Variants in SLC9C1 observed in about 807,000 individuals in gnomAD.
SLC9C1 encodes the protein sodium/hydrogen exchanger 10.
In SLC9C1, 97 loss-of-function variants were observed where a neutral mutation model predicts 140.9. The observed-to-expected ratio is 0.69, with a 90% CI of 0.58 to 0.82. The LOEUF (loss-of-function observed/expected upper bound fraction) is 0.82, where lower values mean the gene tolerates loss of function less well. Among genes scored for constraint, SLC9C1 ranks in the 40% least tolerant of loss-of-function variants. SLC9C1 has a pLI of 0.00. For synonymous variants in SLC9C1, 440 were observed against 442.6 expected, an observed-to-expected ratio of 0.99 and a Z score of 0.07; for missense variants, 1,340 against 1,389.3, an observed-to-expected ratio of 0.96 and a Z score of 0.56.
chr3:112,230,653 T>C (rs1576397403), intron 13 of SLC9C1, among the ~76,000 whole-genome samples: 1 of 152,104 alleles, frequency 6.6e-6, no homozygotes, highest in African/African-American at 2.4e-5. Context: ...ACTGAGCAGG[T>C]AGAGTGATTG....
chr3:112,204,152 T>C, intron 17 of SLC9C1, 66 bp downstream of exon 17: 3 of 1,346,926 alleles, frequency 2.2e-6, no homozygotes, highest in Non-Finnish European at 1.9e-6. Context: ...AGTAAACTAA[T>C]TTTACTCTAT....
At chr3:112,164,094 C>T (rs1254110294) in intron 26 of SLC9C1, among the ~76,000 whole-genome samples, 2 of 151,954 alleles carry the variant, frequency 1.3e-5, no homozygotes, top group East Asian at 3.9e-4. Context: ...AGGATTGCAA[C>T]CCCTGCCTTT....
chr3:112,165,838 CT>C (rs548156662), intron 26 of SLC9C1, among the ~76,000 whole-genome samples: 279 of 152,336 alleles, frequency 1.8e-3, no homozygotes, highest in African/African-American at 6.2e-3. Flanking sequence ...ATTCTGCTGC[CT>C]TTTGTTTGGC....
intron 23 of SLC9C1, among the ~76,000 whole-genome samples, chr3:112,178,693 A>C (rs4682090): frequency 0.46 from 70,606 of 151,878 alleles, 16,769 homozygotes; most frequent in East Asian, 0.63. Flanking sequence ...ATTTAGTGAC[A>C]CTAATATTGA....
intron 12 of SLC9C1, among the ~76,000 whole-genome samples, chr3:112,236,008 CT>C (rs1168689577): frequency 7.2e-5 from 11 of 152,122 alleles, no homozygotes; most frequent in Non-Finnish European, 1.0e-4. Flanking sequence ...AGGATTCTCT[CT>C]TTTTCTATTG....
At chr3:112,167,133 A>G (rs1300657595) in intron 26 of SLC9C1, 88 bp downstream of exon 26, 1 of 1,449,632 alleles carries the variant, frequency 6.9e-7, no homozygotes, top group Non-Finnish European at 9.4e-7. Context: ...TATTAGGCAG[A>G]ATGCAAACAA....
intron 28 of SLC9C1, among the ~76,000 whole-genome samples, chr3:112,146,373 C>G (rs1355476936): frequency 6.6e-6 from 1 of 151,852 alleles, no homozygotes; most frequent in Non-Finnish European, 1.5e-5. Flanking sequence ...CTCATTTGTT[C>G]TTGTTTTTCT....
Position 112,250,760 on chromosome 3 carries a change from T to C in SLC9C1, c.1198-6684A>G, listed in dbSNP as rs189385106. Among the ~76,000 whole-genome samples the C allele has an allele frequency of 1.5e-3, 225 of 152,216 alleles. 1 individual carries two copies. The highest frequency in any genetic ancestry group is 6.8e-3 in the Middle Eastern group (2 of 294). On this transcript the variant is annotated intron_variant, in intron 10 of 28. Transcript: ENST00000305815. ...AAGAAATAACCGGTGCTGGCAAGTTTGCAGAGAAAAAGGGACAGTTATATA... is the reference window on the plus strand; with the variant it reads ...AAGAAATAACCGGTGCTGGCAAGTTCGCAGAGAAAAAGGGACAGTTATATA...
At chr3:112,220,686 A>C (rs1001238885) in intron 14 of SLC9C1, among the ~76,000 whole-genome samples, 1 of 152,224 alleles carries the variant, frequency 6.6e-6, no homozygotes, top group African/African-American at 2.4e-5. Flanking sequence ...TAAAGAAATC[A>C]CTACAAGATT....
chr3:112,176,211 T>G (rs2077333271), intron 23 of SLC9C1, among the ~76,000 whole-genome samples: 1 of 152,198 alleles, frequency 6.6e-6, no homozygotes, highest in East Asian at 1.9e-4. Context: ...TTCCTGGGAC[T>G]CCTCATTCAC....
intron 14 of SLC9C1, among the ~76,000 whole-genome samples, chr3:112,219,798 C>A (rs546079113): frequency 6.6e-6 from 1 of 152,192 alleles, no homozygotes; most frequent in East Asian, 1.9e-4. Context: ...TCAGGCTGGT[C>A]TCGAACTCCT....
intron 13 of SLC9C1, among the ~76,000 whole-genome samples, chr3:112,229,800 T>G (rs902213256): frequency 2.0e-5 from 3 of 152,106 alleles, no homozygotes; most frequent in African/African-American, 7.2e-5. Context: ...AGAAAAGTTG[T>G]GTGAGCAATG....
intron 10 of SLC9C1, among the ~76,000 whole-genome samples, chr3:112,256,726 G>T (rs2079616911): frequency 1.3e-5 from 2 of 152,072 alleles, no homozygotes. Context: ...GGTCAATCAG[G>T]CAAGAGAAAG....
chr3:112,208,206 G>A lies in SLC9C1; in HGVS notation c.1958C>T (p.Thr653Ile). The A allele has an allele frequency of 6.2e-7, 1 of 1,609,682 alleles. No individual in the cohort carries two copies. The highest frequency in any genetic ancestry group is 8.5e-7 in the Non-Finnish European group (1 of 1,178,284). ...AAGTAGTGCCTCTAGAATATAAAGT[G>A]TAAGAAAACAGTAGTTAGTGTGTTT... ...ELKHTNYCFL[T>I]LYILEALLKI... is the part of the protein sequence containing the mutation. Residue 653 changes from threonine (T) to isoleucine (I), a missense_variant, in exon 16 of 29, where the codon ACA becomes ATA. Thr to Ile is a moderately conservative substitution (Grantham distance 89, BLOSUM62 -1). Coordinates refer to ENST00000305815, the MANE Select transcript of SLC9C1 (RefSeq NM_183061.3).
intron 8 of SLC9C1, among the ~76,000 whole-genome samples, chr3:112,265,494 G>T (rs1281795239): frequency 6.6e-6 from 1 of 152,052 alleles, no homozygotes; most frequent in East Asian, 1.9e-4. Context: ...TCTTATATCA[G>T]AATTAATTCT....
intron 4 of SLC9C1, 66 bp downstream of exon 4, chr3:112,278,663 T>A (rs12632408): frequency 0.28 from 415,157 of 1,489,790 alleles, 59,072 homozygotes; most frequent in Admixed American, 0.36. Context: ...AAAAATATTT[T>A]AAAAATTTGA....
chr3:112,252,883 G>C (rs114579633), intron 10 of SLC9C1, among the ~76,000 whole-genome samples: 2,657 of 152,206 alleles, frequency 0.017, 82 homozygotes, highest in African/African-American at 0.06. Context: ...GCCACCTCCT[G>C]CTGGTGTGTT....
In SLC9C1 at chr3:112,179,601, A is replaced by G; in HGVS notation, c.2849T>C (p.Ile950Thr). The G allele has an allele frequency of 6.2e-7, 1 of 1,612,062 alleles. No individual in the cohort carries two copies. Among genetic ancestry groups the G allele is most frequent in the Non-Finnish European group, 8.5e-7 (1 of 1,179,252 alleles). ...AGTTAAGCAGTTTATCTCTCCTATT[A>G]TTTCTCCACTGAGCATATAGTCTGT... ...IDTDYMLSGE[I>T]IGEINCLTNE... The change falls in exon 23 of 29, where the codon ATA becomes ACA. Residue 950 changes from isoleucine (I) to threonine (T), a missense_variant. Ile to Thr is a moderately conservative substitution (Grantham distance 89). Coordinates refer to ENST00000305815, the MANE Select transcript of SLC9C1 (RefSeq NM_183061.3).
chr3:112,257,825 A>G (rs1025706516), intron 10 of SLC9C1, among the ~76,000 whole-genome samples: 2 of 152,226 alleles, frequency 1.3e-5, no homozygotes, highest in Non-Finnish European at 2.9e-5. Flanking sequence ...AATATCCAGC[A>G]TTTATAAGGA....
Sources: gnomAD v4.1 joint callset for allele counts (sites outside exome capture counted in the v4.1 genomes callset) on GRCh38, gnomAD v4.1.1 for gene constraint, MANE v1.5 for transcripts, NCBI Gene and HGNC (gene_info 2026-07-23, HGNC 2026-07-21) for gene names.